Variants in ADGRV1 observed in about 807,000 individuals in gnomAD.
ADGRV1 encodes the protein G-protein coupled receptor 98.
In ADGRV1, 359 loss-of-function variants were observed where a neutral mutation model predicts 596.2. That is an observed-to-expected ratio of 0.60 (90% CI 0.55 to 0.66). ADGRV1 has a LOEUF of 0.66. Among genes scored for constraint, ADGRV1 ranks in the 30% least tolerant of loss-of-function variants. ADGRV1 has a pLI of 0.00. For synonymous variants in ADGRV1, 2,681 were observed against 2,679.2 expected (o/e 1.00, Z -0.02); for missense variants, 7,274 against 7,575.6 (o/e 0.96, Z 1.48).
rs1240310608 is a variant in ADGRV1, at chr5:90,781,453, A to G, written c.13106A>G (p.Glu4369Gly). ...QGRGYDFTIQENGLQIDQPPE... is the reference protein window; with the variant it reads ...QGRGYDFTIQGNGLQIDQPPE... ...AGAGGGTATGATTTTACCATTCAAGAAAATGGACTTCAGATAGATCAACCT... is the reference window on the plus strand; with the variant it reads ...AGAGGGTATGATTTTACCATTCAAGGAAATGGACTTCAGATAGATCAACCT... Residue 4369 changes from glutamate to glycine, a missense_variant, in exon 65 of 90, where the codon GAA becomes GGA. Glu to Gly is a moderately conservative substitution (Grantham distance 98). This residue lies in a region of ADGRV1 where 3,643 missense variants were observed against 3,809.2 expected (regional missense o/e 0.96). Transcript: ENST00000405460. The G allele has an allele frequency of 1.2e-6, 2 of 1,606,748 alleles. No homozygotes were observed. The highest frequency in any genetic ancestry group is 8.5e-7 in the Non-Finnish European group (1 of 1,175,564).
At chr5:90,927,888 T>G (rs1774690232) in intron 83 of ADGRV1, among the ~76,000 whole-genome samples, 1 of 152,172 alleles carries the variant, frequency 6.6e-6, no homozygotes, top group African/African-American at 2.4e-5. Flanking sequence ...CCTTCACTTA[T>G]GAAGCGTAGT....
intron 85 of ADGRV1, among the ~76,000 whole-genome samples, chr5:91,009,795 A>G (rs796685115): frequency 2.2e-4 from 34 of 152,252 alleles, no homozygotes; most frequent in African/African-American, 7.9e-4. Flanking sequence ...ACTGGATTTC[A>G]AAACATTCTA....
chr5:90,675,940 A>G lies in ADGRV1; in HGVS notation c.5314-140A>G, dbSNP rs556564118. 1.2e-3 allele frequency: 710 copies of G among 582,792 alleles called. 14 individuals carry two copies. In the South Asian group the frequency reaches 0.018, roughly 14 times the overall value. The allele number at this position is 582,792 out of a possible 1,614,324, so 36.1% of individuals were successfully genotyped here. ...CACACTGAAGTGTTTTCAATGTTGT[A>G]TTTTACTTGTCTTCTTAGCATTTAT... On this transcript the variant is annotated intron_variant, in intron 24 of 89. Transcript: ENST00000405460.
chr5:91,162,735 A>C (rs1445123970), intron 89 of ADGRV1, among the ~76,000 whole-genome samples: 2 of 152,200 alleles, frequency 1.3e-5, no homozygotes, highest in Non-Finnish European at 2.9e-5. Flanking sequence ...CTTGGCTAGA[A>C]GGTCACTAGT....
chr5:90,928,451 C>T (rs946300307), intron 83 of ADGRV1, among the ~76,000 whole-genome samples: 4 of 150,688 alleles, frequency 2.7e-5, no homozygotes, highest in Admixed American at 6.6e-5. Flanking sequence ...GCATTCTTCA[C>T]GTAGTTCTCG....
intron 16 of ADGRV1, 124 bp from the exon 17 acceptor site, chr5:90,647,374 A>G: frequency 1.1e-6 from 1 of 881,822 alleles, no homozygotes; most frequent in Non-Finnish European, 1.7e-6. Flanking sequence ...AACAGAGCTA[A>G]TTATTTTGGC....
chr5:90,647,792 G>T, intron 17 of ADGRV1, 28 bp downstream of exon 17: 1 of 1,593,474 alleles, frequency 6.3e-7, no homozygotes, highest in East Asian at 2.2e-5. Flanking sequence ...TTTTATGGCA[G>T]ATCTGCCTCA....
chr5:90,728,677 G>A lies in ADGRV1; in HGVS notation c.10170G>A (p.Arg3390=), dbSNP rs774554929. The A allele has an allele frequency of 1.9e-6, 3 of 1,608,072 alleles. No individual in the cohort carries two copies. The highest frequency in any genetic ancestry group is 2.6e-6 in the Non-Finnish European group (3 of 1,176,032). ...TTCAACATTTCCTTCAGGTCTTCAG[G>A]TGGAATGGAGGAAGCTTCGTGTTGC... The part of the protein sequence containing the change: ...RDDSELTQVF[R]WNGGSFVLHQ... Residue 3390 remains arginine (R), a synonymous_variant, in exon 49 of 90, where the codon AGG becomes AGA. Transcript: ENST00000405460.
chr5:91,004,863 G>A (rs546714230), intron 85 of ADGRV1, among the ~76,000 whole-genome samples: 2 of 152,220 alleles, frequency 1.3e-5, no homozygotes, highest in East Asian at 1.9e-4. Context: ...CTAGGGGAGA[G>A]AGCATGGCTT....
intron 83 of ADGRV1, among the ~76,000 whole-genome samples, chr5:90,882,159 A>G (rs1051157540): frequency 6.6e-6 from 1 of 152,228 alleles, no homozygotes; most frequent in Non-Finnish European, 1.5e-5. Context: ...ACCTTCAAAC[A>G]GAAAGTTATC....
chr5:90,916,923 C>T (rs1247852176), intron 83 of ADGRV1, among the ~76,000 whole-genome samples: 1 of 152,084 alleles, frequency 6.6e-6, no homozygotes, highest in Non-Finnish European at 1.5e-5. Flanking sequence ...TGAGCCACCG[C>T]GCCCTGCCAC....
chr5:90,734,581 ATTTT>A (rs3045850), intron 50 of ADGRV1, among the ~76,000 whole-genome samples: 85 of 101,104 alleles, frequency 8.4e-4, no homozygotes, highest in African/African-American at 3.0e-3. Flanking sequence ...TCTTTAGCCT[ATTTT>A]TTTTTTTTTT....
At position 90,685,650 on chromosome 5, in the gene ADGRV1, G is replaced by C. The variant is rs190813550; in HGVS notation, c.6275-130G>C. The C allele has an allele frequency of 8.0e-3, 2,868 of 360,060 alleles. 17 individuals carry two copies. Among genetic ancestry groups the C allele is most frequent in the Non-Finnish European group, 0.01 (2,133 of 205,112 alleles). The allele number at this position is 360,060 out of a possible 1,614,324, so 22.3% of individuals were successfully genotyped here. ...AATAAATAAATAAATAAAATAAATA[G>C]TAGAGGGAAAACCCCAAATGAGAAT... is the stretch of plus-strand genomic sequence containing the variant. On this transcript the variant is annotated intron_variant, in intron 28 of 89. Transcript: ENST00000405460.
chr5:90,865,887 A>C (rs777664408), intron 83 of ADGRV1, among the ~76,000 whole-genome samples: 2 of 152,230 alleles, frequency 1.3e-5, no homozygotes, highest in Middle Eastern at 3.4e-3. Flanking sequence ...GAATCTTGCC[A>C]ACAGGAGTTA....
rs1260836019 is a variant in ADGRV1, at chr5:90,791,250, T to TA, written c.14424dup (p.Glu4809ArgfsTer22). On this transcript the variant is annotated frameshift_variant, in exon 70 of 90. Transcript: ENST00000405460. LOFTEE classifies it high-confidence loss of function. ...TTGGGCTTCGAATATCATCGGATCA[T>TA]AAAGAACAGCCGATTGTTACCGAAA... 6.2e-7 allele frequency: 1 copy of TA among 1,612,214 alleles called. No individual in the cohort carries two copies. Among genetic ancestry groups the TA allele is most frequent in the Non-Finnish European group, 8.5e-7 (1 of 1,179,188 alleles).
chr5:90,994,216 T>C (rs7721879), intron 85 of ADGRV1, among the ~76,000 whole-genome samples: 89,774 of 151,744 alleles, frequency 0.59, 27,060 homozygotes, highest in African/African-American at 0.7. Context: ...GCACCCACCA[T>C]GACACCCAGC....
At chr5:90,798,461 G>A (rs577901447) in intron 70 of ADGRV1, among the ~76,000 whole-genome samples, 1 of 152,250 alleles carries the variant, frequency 6.6e-6, no homozygotes, top group South Asian at 2.1e-4. Context: ...AAAAGTCCAG[G>A]CCAAGACGGA....
intron 87 of ADGRV1, among the ~76,000 whole-genome samples, chr5:91,147,688 A>G (rs1488986280): frequency 6.6e-6 from 1 of 152,130 alleles, no homozygotes; most frequent in Non-Finnish European, 1.5e-5. Context: ...AGTCTCGGGT[A>G]TTTCTTTATA....
At chr5:91,136,394 G>T (rs1166351995) in intron 87 of ADGRV1, among the ~76,000 whole-genome samples, 1 of 152,200 alleles carries the variant, frequency 6.6e-6, no homozygotes, top group Non-Finnish European at 1.5e-5. Context: ...TTCTGGGAAA[G>T]AAGTGGTTCT....
Sources: allele counts gnomAD v4.1 joint callset (sites outside exome capture counted in the v4.1 genomes callset), GRCh38; gene constraint gnomAD v4.1.1; regional missense constraint gnomAD v4.1.1; transcripts MANE v1.5; gene names NCBI Gene and HGNC (gene_info 2026-07-23, HGNC 2026-07-21).